CCDC6: variants seen among roughly 807,000 people sequenced by gnomAD.
The protein encoded by CCDC6 is coiled-coil domain-containing protein 6.
CCDC6 carries 20 observed loss-of-function variants against 56.6 expected under a neutral mutation model. The observed-to-expected ratio is 0.35, with a 90% CI of 0.25 to 0.51. The LOEUF (loss-of-function observed/expected upper bound fraction) is 0.51, where lower values mean the gene tolerates loss of function less well. CCDC6 is among the 20% of genes least tolerant of loss of function. The pLI is 0.95. For synonymous variants in CCDC6, 241 were observed against 234.4 expected (o/e 1.03, Z -0.26); for missense variants, 367 against 601.1 (o/e 0.61, Z 4.07).
chr10:59,834,995 C>T (rs2070869707), intron 2 of CCDC6, among the ~76,000 whole-genome samples: 1 of 152,188 alleles, frequency 6.6e-6, no homozygotes, highest in South Asian at 2.1e-4. Context: ...TAGGCGAGAT[C>T]TATAGTTAAC....
intron 3 of CCDC6, among the ~76,000 whole-genome samples, chr10:59,820,781 G>C (rs1042168521): frequency 1.1e-4 from 7 of 63,638 alleles, no homozygotes; most frequent in African/African-American, 4.8e-4. Context: ...ACGAATGAAA[G>C]AAAGAAAGAA....
chr10:59,812,398 T>C (rs2070681019), intron 5 of CCDC6, among the ~76,000 whole-genome samples: 1 of 151,940 alleles, frequency 6.6e-6, no homozygotes. Flanking sequence ...TGGATGTTCC[T>C]GAAATTACTT....
At chr10:59,899,604 C>T (rs2071489248) in intron 1 of CCDC6, among the ~76,000 whole-genome samples, 1 of 152,188 alleles carries the variant, frequency 6.6e-6, no homozygotes, top group Non-Finnish European at 1.5e-5. Flanking sequence ...TACTGCATCC[C>T]CCTGCAATGG....
chr10:59,831,673 TTAAGGG>T (rs1338144883), intron 3 of CCDC6, among the ~76,000 whole-genome samples: 8 of 152,170 alleles, frequency 5.3e-5, no homozygotes, highest in African/African-American at 1.9e-4. Context: ...CTCTTATAAC[TTAAGGG>T]AACTAAAATT....
chr10:59,804,543 G>A lies in CCDC6; in HGVS notation c.1005-23C>T, dbSNP rs368214346. On this transcript the variant is annotated intron_variant, in intron 6 of 8. Transcript: ENST00000263102. ...TACCTAAGAGGAGAGAGGAGGAAAC[G>A]ATAAAACCACCTGCATTTAAATAGG... is the stretch of plus-strand genomic sequence containing the variant. 1.3e-5 allele frequency: 18 copies of A among 1,357,930 alleles called. 1 individual carries two copies. In the African/African-American group the frequency reaches 2.1e-4, roughly 16 times the overall value. The allele number at this position is 1,357,930 out of a possible 1,614,324, so 84.1% of individuals were successfully genotyped here. A position where few individuals can be genotyped will look rare whatever the true frequency, so the allele number is the denominator to read the frequency against.
chr10:59,855,633 T>C (rs1419436372), intron 1 of CCDC6, among the ~76,000 whole-genome samples: 1 of 152,184 alleles, frequency 6.6e-6, no homozygotes, highest in Non-Finnish European at 1.5e-5. Context: ...TGACTGCTCA[T>C]GGCTACACGG....
In CCDC6 at chr10:59,792,094, T is replaced by A. The variant is rs1311905202; in HGVS notation, c.*823A>T. On this transcript the variant is annotated 3_prime_UTR_variant, in exon 9 of 9. Transcript: ENST00000263102. The stretch of plus-strand genomic sequence containing the variant: ...TTTTTGTTACAATCACACTGCCTTC[T>A]GCAGCAGAAATCAAATAACACATTC... The A allele has an allele frequency of 4.3e-6, 1 of 230,712 alleles. No homozygotes were observed. Among genetic ancestry groups the A allele is most frequent in the Non-Finnish European group, 8.6e-6 (1 of 116,300 alleles). 14.3% of individuals were successfully genotyped at this position (230,712 alleles called of 1,614,324 possible).
At position 59,814,584 on chromosome 10, in the gene CCDC6, C is replaced by A. The variant is rs1203046906; in HGVS notation, c.686+68G>T. ...AGGTGTCCTACTGCTATTCCTCAGTCACACCCAGAGCAGCAACACACACAC... is the reference window on the plus strand; with the variant it reads ...AGGTGTCCTACTGCTATTCCTCAGTAACACCCAGAGCAGCAACACACACAC... On this transcript the variant is annotated intron_variant, in intron 4 of 8. Transcript: ENST00000263102. 4 of 950,138 alleles carry A rather than the reference C, an allele frequency of 4.2e-6. No individual in the cohort carries two copies. The African/African-American group carries it at 4.9e-5, about 12-fold the overall frequency. 58.9% of individuals were successfully genotyped at this position (950,138 alleles called of 1,614,324 possible).
intron 2 of CCDC6, among the ~76,000 whole-genome samples, chr10:59,841,167 C>G (rs183921796): frequency 2.1e-4 from 32 of 152,316 alleles, no homozygotes; most frequent in Admixed American, 2.0e-3. Flanking sequence ...TCTAACCACA[C>G]CAGTCTGTCT....
Position 59,814,807 on chromosome 10 carries a change from T to C in CCDC6, c.583-52A>G, listed in dbSNP as rs367728541. 12 of 1,198,430 alleles carry C rather than the reference T, an allele frequency of 1.0e-5. No homozygotes were observed. The South Asian group carries it at 1.3e-4, about 13-fold the overall frequency. The allele number at this position is 1,198,430 out of a possible 1,614,324, so 74.2% of individuals were successfully genotyped here. A position where few individuals can be genotyped will look rare whatever the true frequency, so the allele number is the denominator to read the frequency against. On this transcript the variant is annotated intron_variant, in intron 3 of 8. Coordinates refer to ENST00000263102, the MANE Select transcript of CCDC6 (RefSeq NM_005436.5). ...AAGTGTCAGGCCACTTATACTTTGT[T>C]AATACATTTTTTGATTGAACAATTA...
chr10:59,814,599 AACAC>A (rs111613433), intron 4 of CCDC6, 49 bp downstream of exon 4: 1,473 of 911,752 alleles, frequency 1.6e-3, no homozygotes, highest in South Asian at 2.4e-3. Flanking sequence ...CCAGAGCAGC[AACAC>A]ACACACACAC....
intron 1 of CCDC6, among the ~76,000 whole-genome samples, chr10:59,864,886 C>T (rs1477899796): frequency 6.6e-6 from 1 of 152,246 alleles, no homozygotes; most frequent in South Asian, 2.1e-4. Flanking sequence ...AAGTCTCAAA[C>T]CACACACATT....
intron 3 of CCDC6, among the ~76,000 whole-genome samples, chr10:59,818,862 C>A (rs2070730094): frequency 6.6e-6 from 1 of 152,164 alleles, no homozygotes; most frequent in African/African-American, 2.4e-5. Context: ...ATCAATGATG[C>A]AGTATGCAAG....
At chr10:59,827,133 T>C (rs1399933857) in intron 3 of CCDC6, among the ~76,000 whole-genome samples, 1 of 152,110 alleles carries the variant, frequency 6.6e-6, no homozygotes, top group Non-Finnish European at 1.5e-5. Context: ...AGGGAGAAAG[T>C]GTTCCAGGCA....
At chr10:59,828,754 T>C (rs539229254) in intron 3 of CCDC6, among the ~76,000 whole-genome samples, 2 of 152,228 alleles carry the variant, frequency 1.3e-5, no homozygotes, top group South Asian at 2.1e-4. Context: ...AGCCCAACTC[T>C]GCAGCAAACT....
intron 1 of CCDC6, among the ~76,000 whole-genome samples, chr10:59,888,474 A>G (rs2071398875): frequency 6.7e-6 from 1 of 148,786 alleles, no homozygotes; most frequent in African/African-American, 2.5e-5. Flanking sequence ...GGATGCTCGG[A>G]AGCTGGGGAC....
intron 1 of CCDC6, among the ~76,000 whole-genome samples, chr10:59,888,814 A>T (rs572370764): frequency 6.6e-6 from 1 of 152,188 alleles, no homozygotes. Context: ...GATTCACTCT[A>T]CTTTAGTATA....
chr10:59,845,974 T>C (rs1310266892), intron 2 of CCDC6, among the ~76,000 whole-genome samples: 1 of 152,184 alleles, frequency 6.6e-6, no homozygotes, highest in Non-Finnish European at 1.5e-5. Flanking sequence ...GCTCCTTGCA[T>C]AAACAAAATA....
chr10:59,895,915 C>T (rs1342839698), intron 1 of CCDC6, among the ~76,000 whole-genome samples: 1 of 152,152 alleles, frequency 6.6e-6, no homozygotes, highest in African/African-American at 2.4e-5. Context: ...TGTGGATAGG[C>T]GACCATGTCT....
Sources: allele counts gnomAD v4.1 joint callset (sites outside exome capture counted in the v4.1 genomes callset), GRCh38; gene constraint gnomAD v4.1.1; transcripts MANE v1.5; gene names NCBI Gene and HGNC (gene_info 2026-07-23, HGNC 2026-07-21).